The following PGR variants were observed in gnomAD, a reference collection of about 807,000 sequenced individuals.
The protein encoded by PGR is progesterone receptor, also known as nuclear receptor subfamily 3 group C member 3.
Under a neutral mutation model 76.1 loss-of-function variants are expected in PGR, and 25 were observed. The ratio of observed to expected loss-of-function variants is 0.33; its 90% confidence interval spans 0.24 to 0.46. PGR has a LOEUF of 0.46. Ranked by LOEUF, PGR falls within the 20% of genes least tolerant of loss-of-function variation. The pLI is 1.00. For synonymous variants in PGR, 579 were observed against 535.0 expected, an observed-to-expected ratio of 1.08 and a Z score of -1.14; for missense variants, 1,172 against 1,225.3, an observed-to-expected ratio of 0.96 and a Z score of 0.65.
chr11:101,082,629 C>G (rs1347599455), intron 3 of PGR, among the ~76,000 whole-genome samples: 1 of 152,124 alleles, frequency 6.6e-6, no homozygotes, highest in African/African-American at 2.4e-5. Flanking sequence ...GGCATTTTGC[C>G]CCTGTCCTAG....
In PGR at chr11:101,033,346, C is replaced by G. The variant is rs1291461615; in HGVS notation, c.*5770G>C. ...ATGGTATGTTTGTATTAACTCTCCA[C>G]ATACCTTTTTTGGTTATTCTCATGA... On this transcript the variant is annotated 3_prime_UTR_variant, in exon 8 of 8. Coordinates refer to ENST00000325455, the MANE Select transcript of PGR (RefSeq NM_000926.4). The G allele has an allele frequency of 5.0e-6, 1 of 200,008 alleles. No individual in the cohort carries two copies. Among genetic ancestry groups the G allele is most frequent in the Non-Finnish European group, 1.0e-5 (1 of 96,908 alleles). 12.4% of individuals were successfully genotyped at this position (200,008 alleles called of 1,614,324 possible). A position where few individuals can be genotyped will look rare whatever the true frequency, so the allele number is the denominator to read the frequency against.
intron 2 of PGR, among the ~76,000 whole-genome samples, chr11:101,097,832 G>A (rs1467078699): frequency 2.0e-5 from 3 of 149,478 alleles, no homozygotes; most frequent in African/African-American, 4.9e-5. Flanking sequence ...GCTGGAGTGC[G>A]GTGGAGCCAT....
At chr11:101,125,784 T>C (rs1004642108) in intron 2 of PGR, among the ~76,000 whole-genome samples, 1 of 152,224 alleles carries the variant, frequency 6.6e-6, no homozygotes, top group African/African-American at 2.4e-5. Flanking sequence ...TGTCTAATAC[T>C]GAAAGTGTTA....
At chr11:101,081,239 C>T (rs1326743969) in intron 3 of PGR, among the ~76,000 whole-genome samples, 1 of 151,916 alleles carries the variant, frequency 6.6e-6, no homozygotes, top group Non-Finnish European at 1.5e-5. Context: ...ACCAGCCTGG[C>T]CAAGACGGTG....
chr11:101,114,413 T>C (rs996277639), intron 2 of PGR, among the ~76,000 whole-genome samples: 11 of 152,214 alleles, frequency 7.2e-5, no homozygotes, highest in Non-Finnish European at 1.6e-4. Context: ...TCAATTCTCA[T>C]AAGTTATTTT....
intron 4 of PGR, among the ~76,000 whole-genome samples, chr11:101,055,658 T>G (rs1447021648): frequency 1.3e-5 from 2 of 152,134 alleles, no homozygotes; most frequent in Non-Finnish European, 2.9e-5. Flanking sequence ...CTTTGAGTAG[T>G]TTTAAACATT....
intron 6 of PGR, among the ~76,000 whole-genome samples, chr11:101,045,136 A>G (rs1021514243): frequency 7.2e-5 from 11 of 152,192 alleles, no homozygotes; most frequent in African/African-American, 2.7e-4. Flanking sequence ...AAGGCCAGAG[A>G]TACAAACTTA....
intron 2 of PGR, among the ~76,000 whole-genome samples, chr11:101,095,233 T>C (rs1861799792): frequency 1.3e-5 from 2 of 152,360 alleles, no homozygotes; most frequent in South Asian, 4.1e-4. Context: ...GTATCTACTA[T>C]ATCCCAACAC....
intron 2 of PGR, among the ~76,000 whole-genome samples, chr11:101,112,172 G>T (rs1477177051): frequency 6.6e-6 from 1 of 152,158 alleles, no homozygotes; most frequent in African/African-American, 2.4e-5. Flanking sequence ...GATTGGGTTA[G>T]GTTTAAGAGT....
chr11:101,086,627 A>G (rs572945864), intron 3 of PGR, among the ~76,000 whole-genome samples: 24 of 152,154 alleles, frequency 1.6e-4, no homozygotes, highest in Non-Finnish European at 3.1e-4. Context: ...TTCAAACATG[A>G]AAAAAAGAAG....
Position 101,062,757 on chromosome 11 carries a change from A to G in PGR, c.1907-5T>C. The G allele has an allele frequency of 6.2e-7, 1 of 1,604,492 alleles. No homozygotes were observed. The highest frequency in any genetic ancestry group is 8.5e-7 in the Non-Finnish European group (1 of 1,175,094). On this transcript the variant is annotated splice_region_variant and splice_polypyrimidine_tract_variant and intron_variant, in intron 3 of 7. Transcript: ENST00000325455. ...TGAACTTTTTAAATTTTCGACCTAC[A>G]GAGAAGAAAAAAAAGAAATTCATGT...
At chr11:101,111,971 A>G (rs1862358548) in intron 2 of PGR, among the ~76,000 whole-genome samples, 1 of 152,224 alleles carries the variant, frequency 6.6e-6, no homozygotes, top group African/African-American at 2.4e-5. Flanking sequence ...AAGGGGAGCT[A>G]GTGAGGAAAA....
rs1402324857 is a variant in PGR, at chr11:101,128,308, C to T, written c.763G>A (p.Ala255Thr). The change falls in exon 1 of 8, where the codon GCT becomes ACT. Residue 255 changes from alanine (A) to threonine (T), a missense_variant. By Grantham distance (58) the Ala-to-Thr change is moderately conservative (BLOSUM62 0). This residue lies in a region of PGR where 893 missense variants were observed against 785.9 expected (regional missense o/e 1.14). Transcript: ENST00000325455. ...GGAAAGGGAA[A>T]VPPGAAAGGV... The stretch of plus-strand genomic sequence containing the variant: ...CCTGCTGCCGCCCCCGGCGGGACAG[C>T]CGCGGCTCCTCCTCCAGCCGCCGCG... The T allele has an allele frequency of 1.3e-6, 2 of 1,593,840 alleles. No individual in the cohort carries two copies. The highest frequency in any genetic ancestry group is 2.2e-5 in the East Asian group (1 of 44,474).
intron 3 of PGR, among the ~76,000 whole-genome samples, chr11:101,084,696 A>C (rs1275928742): frequency 6.6e-6 from 1 of 152,048 alleles, no homozygotes; most frequent in Non-Finnish European, 1.5e-5. Context: ...ACCAGCTAGG[A>C]AAACCAGACT....
chr11:101,103,609 T>C (rs1339921820), intron 2 of PGR, among the ~76,000 whole-genome samples: 1 of 152,200 alleles, frequency 6.6e-6, no homozygotes, highest in Admixed American at 6.5e-5. Context: ...CACCCAAGAA[T>C]AGCAACTCAA....
At chr11:101,039,306 TA>T in intron 7 of PGR, 35 bp from the exon 8 acceptor site, 1 of 1,473,206 alleles carries the variant, frequency 6.8e-7, no homozygotes, top group Non-Finnish European at 9.5e-7. Context: ...AAACATGTAA[TA>T]AAAATAATAA....
chr11:101,036,498 A>G lies in PGR; in HGVS notation c.*2618T>C, dbSNP rs1859520180. 5.0e-6 allele frequency: 1 copy of G among 200,076 alleles called. No individual in the cohort carries two copies. Among genetic ancestry groups the G allele is most frequent in the South Asian group, 1.9e-4 (1 of 5,236 alleles). 12.4% of individuals were successfully genotyped at this position (200,076 alleles called of 1,614,324 possible). A position where few individuals can be genotyped will look rare whatever the true frequency, so the allele number is the denominator to read the frequency against. ...GATTTAGTGTCATTTTAGAGCTACC[A>G]GAAAGAACACGACATGTAAAATGAA... On this transcript the variant is annotated 3_prime_UTR_variant, in exon 8 of 8. Transcript: ENST00000325455.
intron 2 of PGR, among the ~76,000 whole-genome samples, chr11:101,106,472 C>G (rs1862166593): frequency 6.6e-6 from 1 of 152,192 alleles, no homozygotes; most frequent in South Asian, 2.1e-4. Flanking sequence ...AAATGCTCAT[C>G]ATCACTAGTC....
At chr11:101,057,825 T>A (rs1860347286) in intron 4 of PGR, among the ~76,000 whole-genome samples, 1 of 152,158 alleles carries the variant, frequency 6.6e-6, no homozygotes, top group Admixed American at 6.5e-5. Flanking sequence ...GGGGTCATGC[T>A]GACTTAGAAG....
Sources: gnomAD v4.1 joint callset for allele counts (sites outside exome capture counted in the v4.1 genomes callset) on GRCh38, gnomAD v4.1.1 for gene constraint, gnomAD v4.1.1 regional missense constraint, MANE v1.5 for transcripts, NCBI Gene and HGNC (gene_info 2026-07-23, HGNC 2026-07-21) for gene names.